The following CCDC82 variants were observed in gnomAD, a reference collection of about 807,000 sequenced individuals.
CCDC82 encodes the protein coiled-coil domain-containing protein 82.
In CCDC82, 47 loss-of-function variants were observed where a neutral mutation model predicts 60.6. That is an observed-to-expected ratio of 0.77 (90% CI 0.61 to 0.99). The LOEUF (loss-of-function observed/expected upper bound fraction) is 0.99. Among genes scored for constraint, CCDC82 ranks in the 50% least tolerant of loss-of-function variants. CCDC82 has a pLI of 0.00. For synonymous variants in CCDC82, 212 were observed against 207.4 expected (o/e 1.02, Z -0.19); for missense variants, 588 against 633.0 (o/e 0.93, Z 0.76).
chr11:96,383,084 A>G (rs551850724), intron 5 of CCDC82, 185 bp downstream of exon 5: 1 of 559,408 alleles, frequency 1.8e-6, no homozygotes, highest in Non-Finnish European at 3.1e-6. Flanking sequence ...TGGGGTTAAT[A>G]ATTTTGAAAA....
intron 9 of CCDC82, chr11:96,357,910 TGA>T (rs1158922573): frequency 1.0e-6 from 1 of 985,226 alleles, no homozygotes; most frequent in Non-Finnish European, 1.2e-6. Flanking sequence ...AAGAATAAAA[TGA>T]GAGAAAGACT....
chr11:96,369,313 G>A (rs975782080), intron 7 of CCDC82, among the ~76,000 whole-genome samples: 1 of 152,122 alleles, frequency 6.6e-6, no homozygotes, highest in African/African-American at 2.4e-5. Flanking sequence ...CTAACTGTCT[G>A]GCACAAGAGC....
At chr11:96,357,233 G>A (rs949741988) in intron 9 of CCDC82, 11 of 985,346 alleles carry the variant, frequency 1.1e-5, no homozygotes, top group Non-Finnish European at 1.3e-5. Context: ...ATAAACCTCT[G>A]TGGTTTCTAG....
intron 9 of CCDC82, chr11:96,357,356 C>A: frequency 9.1e-6 from 9 of 985,138 alleles, no homozygotes; most frequent in Non-Finnish European, 9.6e-6. Flanking sequence ...CCTAGACATG[C>A]ACAATCTTGA....
rs1445496324 is a variant in CCDC82, at chr11:96,383,971, T to G, written c.777A>C (p.Arg259Ser). 6.2e-7 allele frequency: 1 copy of G among 1,606,906 alleles called. No individual in the cohort carries two copies. The highest frequency in any genetic ancestry group is 1.1e-5 in the South Asian group (1 of 89,364). ...ACAAAATATAACACACCTCAAAATC[T>G]CTACCACTACTGCGTCTCTGACGAG... ...QRSRQRRSSG[R>S]DFEDSEKESC... Residue 259 changes from arginine (R) to serine (S), a missense_variant, in exon 4 of 10, where the codon AGA (arginine) becomes AGC (serine). Transcript: ENST00000646818.
intron 6 of CCDC82, among the ~76,000 whole-genome samples, chr11:96,371,565 G>C (rs1287796797): frequency 6.6e-6 from 1 of 152,250 alleles, no homozygotes; most frequent in Non-Finnish European, 1.5e-5. Flanking sequence ...CTGGGTGATA[G>C]AGTGAGACTC....
intron 5 of CCDC82, among the ~76,000 whole-genome samples, chr11:96,377,551 C>T (rs561676606): frequency 5.9e-5 from 9 of 152,168 alleles, no homozygotes; most frequent in South Asian, 4.1e-4. Flanking sequence ...ATGTAAAGGA[C>T]GTATGTTCCT....
chr11:96,355,838 A>G (rs1864319159), intron 9 of CCDC82: 1 of 152,178 alleles, frequency 6.6e-6, no homozygotes, highest in South Asian at 2.1e-4. Context: ...AAGACTACTT[A>G]TTTTAATAGT....
At chr11:96,370,913 C>A in intron 7 of CCDC82, 100 bp downstream of exon 7, 1 of 1,025,984 alleles carries the variant, frequency 9.7e-7, no homozygotes, top group Non-Finnish European at 1.3e-6. Context: ...TTAACAAAGA[C>A]ATGCCAATAT....
chr11:96,377,357 TACACAC>T (rs145911994), intron 5 of CCDC82, among the ~76,000 whole-genome samples: 1 of 149,452 alleles, frequency 6.7e-6, no homozygotes, highest in East Asian at 2.0e-4. Context: ...GTGTACATAA[TACACAC>T]ACACACACAC....
chr11:96,380,204 G>A (rs1865794561), intron 5 of CCDC82, among the ~76,000 whole-genome samples: 1 of 151,650 alleles, frequency 6.6e-6, no homozygotes, highest in African/African-American at 2.4e-5. Flanking sequence ...TAGAGTTACT[G>A]GGAAATGGGA....
At chr11:96,385,013 T>C (rs559125779) in intron 3 of CCDC82, 8 of 301,320 alleles carry the variant, frequency 2.7e-5, no homozygotes, top group Admixed American at 4.7e-5. Flanking sequence ...AGAAAAATCA[T>C]GGTGCTGTCC....
intron 9 of CCDC82, chr11:96,355,122 G>C (rs953362863): frequency 2.6e-5 from 4 of 151,928 alleles, no homozygotes; most frequent in Admixed American, 2.6e-4. Context: ...AAGTACTCTA[G>C]GATTAGAAAC....
intron 8 of CCDC82, among the ~76,000 whole-genome samples, chr11:96,362,109 T>C (rs1864691945): frequency 1.3e-5 from 2 of 152,350 alleles, no homozygotes; most frequent in South Asian, 4.1e-4. Flanking sequence ...AAGAATCTCA[T>C]TTCTAATTTA....
At chr11:96,362,392 T>C (rs1036243366) in intron 8 of CCDC82, among the ~76,000 whole-genome samples, 1 of 152,214 alleles carries the variant, frequency 6.6e-6, no homozygotes, top group African/African-American at 2.4e-5. Context: ...GATAGTACAA[T>C]ACCAATCCAA....
At chr11:96,368,822 C>T (rs1353719797) in intron 7 of CCDC82, among the ~76,000 whole-genome samples, 4 of 150,814 alleles carry the variant, frequency 2.7e-5, no homozygotes, top group Non-Finnish European at 5.9e-5. Flanking sequence ...GCCGAGATTG[C>T]GCCACTGCAC....
rs903592670 is a variant in CCDC82, at chr11:96,356,441, T to C, written c.1566+2552A>G. 8.1e-6 allele frequency: 8 copies of C among 985,276 alleles called. No individual in the cohort carries two copies. In the South Asian group the frequency reaches 2.3e-4, roughly 29 times the overall value. The allele number at this position is 985,276 out of a possible 1,614,324, so 61.0% of individuals were successfully genotyped here. On this transcript the variant is annotated intron_variant, in intron 9 of 9. Transcript: ENST00000646818. ...ACAGTATTTACAGTATGAATGGGCA[T>C]CTGATACTTCTATTGACATGCTTTC...
intron 6 of CCDC82, among the ~76,000 whole-genome samples, chr11:96,372,879 C>T (rs941164663): frequency 4.0e-5 from 6 of 151,200 alleles, no homozygotes; most frequent in Admixed American, 6.6e-5. Context: ...AGAATGATGG[C>T]GGCACAAATG....
intron 9 of CCDC82, chr11:96,358,227 T>A (rs973688327): frequency 1.8e-5 from 19 of 1,030,886 alleles, no homozygotes; most frequent in Non-Finnish European, 2.2e-5. Context: ...GAAAATCTAC[T>A]ATTTGTTCTC....
Sources: allele counts gnomAD v4.1 joint callset (sites outside exome capture counted in the v4.1 genomes callset), GRCh38; gene constraint gnomAD v4.1.1; transcripts MANE v1.5; gene names NCBI Gene and HGNC (gene_info 2026-07-23, HGNC 2026-07-21).